The following TNFRSF19 variants were observed in gnomAD, a reference collection of about 807,000 sequenced individuals.
The protein encoded by TNFRSF19 is tumor necrosis factor receptor superfamily member 19.
TNFRSF19 carries 27 observed loss-of-function variants against 46.4 expected under a neutral mutation model. That is an observed-to-expected ratio of 0.58 (90% CI 0.43 to 0.80). The LOEUF is 0.80. TNFRSF19 is among the 30% of genes least tolerant of loss of function. TNFRSF19 has a pLI of 0.00. For synonymous variants in TNFRSF19, 204 were observed against 205.0 expected, an observed-to-expected ratio of 1.00 and a Z score of 0.04; for missense variants, 511 against 530.8, an observed-to-expected ratio of 0.96 and a Z score of 0.37.
intron 5 of TNFRSF19, among the ~76,000 whole-genome samples, chr13:23,638,233 G>A (rs1228097876): frequency 1.1e-5 from 1 of 89,600 alleles, no homozygotes; most frequent in Non-Finnish European, 3.0e-5. Flanking sequence ...ACTCTCTCAT[G>A]TTTGTGAGAA....
At chr13:23,670,549 T>G (rs1238526576) in intron 9 of TNFRSF19, among the ~76,000 whole-genome samples, 3 of 152,240 alleles carry the variant, frequency 2.0e-5, no homozygotes, top group Non-Finnish European at 4.4e-5. Flanking sequence ...ACTGATCTTG[T>G]TCTTTTGAGC....
At chr13:23,630,300 CTT>C (rs1203705576) in intron 5 of TNFRSF19, among the ~76,000 whole-genome samples, 3 of 72,094 alleles carry the variant, frequency 4.2e-5, no homozygotes, top group Non-Finnish European at 8.3e-5. Context: ...AAGACCCTGT[CTT>C]AAAAAAAAAA....
intron 2 of TNFRSF19, among the ~76,000 whole-genome samples, chr13:23,592,215 T>G (rs1879359155): frequency 6.6e-6 from 1 of 152,144 alleles, no homozygotes. Context: ...TGGTAAGCAT[T>G]AGACAGAACA....
At chr13:23,584,802 C>T (rs540378468) in intron 1 of TNFRSF19, among the ~76,000 whole-genome samples, 8 of 152,214 alleles carry the variant, frequency 5.3e-5, no homozygotes, top group African/African-American at 1.2e-4. Context: ...AATAACAATA[C>T]GTATATTCTT....
chr13:23,610,663 G>A (rs1448012834), intron 3 of TNFRSF19, among the ~76,000 whole-genome samples: 1 of 152,050 alleles, frequency 6.6e-6, no homozygotes, highest in Non-Finnish European at 1.5e-5. Context: ...TTGTTCATCC[G>A]TTTGTTTATC....
At chr13:23,652,111 C>A (rs186820967) in intron 5 of TNFRSF19, among the ~76,000 whole-genome samples, 1 of 152,036 alleles carries the variant, frequency 6.6e-6, no homozygotes. Context: ...TATATGGTAG[C>A]TGTGATGGTG....
chr13:23,623,284 AC>A (rs1229300801), intron 4 of TNFRSF19, among the ~76,000 whole-genome samples: 3 of 152,186 alleles, frequency 2.0e-5, no homozygotes, highest in Admixed American at 6.5e-5. Context: ...TGTGACAGGA[AC>A]CCCTCCTACT....
intron 5 of TNFRSF19, among the ~76,000 whole-genome samples, chr13:23,642,515 T>A (rs1009256177): frequency 6.6e-6 from 1 of 152,208 alleles, no homozygotes; most frequent in African/African-American, 2.4e-5. Flanking sequence ...AGGCTGTCAT[T>A]TGCTGGTGGT....
At chr13:23,575,194 T>C (rs556652400) in intron 1 of TNFRSF19, among the ~76,000 whole-genome samples, 4 of 152,320 alleles carry the variant, frequency 2.6e-5, no homozygotes, top group African/African-American at 9.6e-5. Flanking sequence ...GGACTGTCTC[T>C]TCCCTCATCG....
rs377575014 is a variant in TNFRSF19, at chr13:23,583,008, T to C, written c.-34-7142T>C. Among the ~76,000 whole-genome samples, 20 of 152,362 alleles carry C rather than the reference T, an allele frequency of 1.3e-4. No homozygotes were observed. The East Asian group carries it at 3.7e-3, about 28-fold the overall frequency. ...GTTTTCAGTTTTTAGCTATTATATA[T>C]AAAACTGCTATGAACATTCATGTGC... On this transcript the variant is annotated intron_variant, in intron 1 of 9. Coordinates refer to ENST00000248484, the MANE Select transcript of TNFRSF19 (RefSeq NM_148957.4).
intron 3 of TNFRSF19, among the ~76,000 whole-genome samples, chr13:23,612,139 G>T (rs1880951958): frequency 2.0e-5 from 3 of 152,268 alleles, no homozygotes; most frequent in South Asian, 4.2e-4. Context: ...GAAAAGAAAT[G>T]ATCTCGGCCA....
Position 23,673,592 on chromosome 13 carries a change from C to A in TNFRSF19, c.*212C>A, listed in dbSNP as rs1775527880. The stretch of plus-strand genomic sequence containing the variant: ...CCTCAATGAATAACAAGAAAAGACT[C>A]CAGGCCGACTCATGATACTCTGCAT... On this transcript the variant is annotated 3_prime_UTR_variant, in exon 10 of 10. Transcript: ENST00000248484. 2.4e-6 allele frequency: 3 copies of A among 1,235,652 alleles called. No homozygotes were observed. Among genetic ancestry groups the A allele is most frequent in the African/African-American group, 3.1e-5 (2 of 64,688 alleles). 76.5% of individuals were successfully genotyped at this position (1,235,652 alleles called of 1,614,324 possible). A position where few individuals can be genotyped will look rare whatever the true frequency, so the allele number is the denominator to read the frequency against.
At chr13:23,571,341 A>G (rs567684624) in intron 1 of TNFRSF19, among the ~76,000 whole-genome samples, 1 of 152,228 alleles carries the variant, frequency 6.6e-6, no homozygotes, top group Non-Finnish European at 1.5e-5. Context: ...ATGTAAATCT[A>G]TCAAATACAC....
intron 5 of TNFRSF19, among the ~76,000 whole-genome samples, chr13:23,628,654 T>C (rs771960840): frequency 2.0e-5 from 3 of 152,188 alleles, no homozygotes; most frequent in African/African-American, 4.8e-5. Flanking sequence ...AGCTCAGATA[T>C]CACAAATTTG....
At position 23,666,085 on chromosome 13, in the gene TNFRSF19, G is replaced by T. The variant is rs531087873; in HGVS notation, c.737-1895G>T. On this transcript the variant is annotated intron_variant, in intron 7 of 9. Coordinates refer to ENST00000248484, the MANE Select transcript of TNFRSF19 (RefSeq NM_148957.4). ...GCTGAGGGGATGCTGAGTCCTCAGC[G>T]CACTGTATCAGGAGGCAGAGTTGTC... Among the ~76,000 whole-genome samples, 10 of 152,328 alleles carry T rather than the reference G, an allele frequency of 6.6e-5. No homozygotes were observed. The South Asian group carries it at 1.9e-3, about 28-fold the overall frequency.
At chr13:23,609,164 T>A (rs1880722452) in intron 3 of TNFRSF19, among the ~76,000 whole-genome samples, 1 of 152,208 alleles carries the variant, frequency 6.6e-6, no homozygotes, top group African/African-American at 2.4e-5. Context: ...GAGGATTTTA[T>A]CCCATTGAGC....
chr13:23,626,404 T>G (rs1882012395), intron 4 of TNFRSF19, among the ~76,000 whole-genome samples: 1 of 152,138 alleles, frequency 6.6e-6, no homozygotes, highest in African/African-American at 2.4e-5. Context: ...ATAAGGTATT[T>G]TGTCGTTTAA....
chr13:23,589,324 T>G (rs3794358), intron 1 of TNFRSF19, among the ~76,000 whole-genome samples: 37,998 of 152,126 alleles, frequency 0.25, 5,326 homozygotes, highest in African/African-American at 0.37. Context: ...TATTGAAATG[T>G]TAGGTTAGTG....
chr13:23,615,972 G>C lies in TNFRSF19; in HGVS notation c.286G>C (p.Ala96Pro). ...GAAATGCAAGCCCTGTCTGGACTGC[G>C]CAGTGGTGAACCGCTTTCAGAAGGC... ...FQKCKPCLDC[A>P]VVNRFQKANC... is the part of the protein sequence containing the mutation. The change falls in exon 4 of 10, where the codon GCA (alanine) becomes CCA (proline). Residue 96 changes from alanine to proline, a missense_variant. By Grantham distance (27) the Ala-to-Pro change is conservative (BLOSUM62 -1). Around this residue, in one of 3 missense-constraint regions of TNFRSF19, gnomAD observed 121 missense variants for 124.1 expected, o/e 0.98. Coordinates refer to ENST00000248484, the MANE Select transcript of TNFRSF19 (RefSeq NM_148957.4). 1 of 1,613,934 alleles carries C rather than the reference G, an allele frequency of 6.2e-7. No individual in the cohort carries two copies. The highest frequency in any genetic ancestry group is 8.5e-7 in the Non-Finnish European group (1 of 1,179,856).
Sources: gnomAD v4.1 joint callset for allele counts (sites outside exome capture counted in the v4.1 genomes callset) on GRCh38, gnomAD v4.1.1 for gene constraint, gnomAD v4.1.1 regional missense constraint, MANE v1.5 for transcripts, NCBI Gene and HGNC (gene_info 2026-07-23, HGNC 2026-07-21) for gene names.